The following C3orf52 variants were observed in gnomAD, a reference collection of about 807,000 sequenced individuals.
The protein encoded by C3orf52 is TPA-induced transmembrane protein.
In C3orf52, 22 loss-of-function variants were observed where a neutral mutation model predicts 24.8. That is an observed-to-expected ratio of 0.89 (90% CI 0.63 to 1.27). The LOEUF (loss-of-function observed/expected upper bound fraction) is 1.27, where lower values mean the gene tolerates loss of function less well. Among genes scored for constraint, C3orf52 ranks in the 50% most tolerant of loss-of-function variants. The pLI, the probability that C3orf52 is intolerant of heterozygous loss-of-function variation, is 0.00. For synonymous variants in C3orf52, 93 were observed against 100.2 expected (o/e 0.93, Z 0.43); for missense variants, 265 against 260.7 (o/e 1.02, Z -0.11).
downstream of C3orf52, chr3:112,132,960 T>C (rs1576176199): frequency 3.4e-6 from 3 of 878,178 alleles, no homozygotes; most frequent in East Asian, 7.6e-5. Flanking sequence ...ACTGAAGGCT[T>C]GGCAGTTTCC....
intron 1 of C3orf52, among the ~76,000 whole-genome samples, chr3:112,090,108 C>T (rs573137257): frequency 6.6e-6 from 1 of 152,212 alleles, no homozygotes; most frequent in East Asian, 1.9e-4. Context: ...AGGCAAGACT[C>T]AGATGGCACA....
intron 5 of C3orf52, among the ~76,000 whole-genome samples, chr3:112,115,790 G>A (rs1186508387): frequency 1.3e-5 from 2 of 152,030 alleles, no homozygotes; most frequent in South Asian, 2.1e-4. Context: ...TTGGAAATAC[G>A]GCGATTATTT....
intron 4 of C3orf52, chr3:112,112,407 T>G (rs2074091987): frequency 6.4e-6 from 1 of 155,268 alleles, no homozygotes; most frequent in Non-Finnish European, 1.4e-5. Context: ...GATTTGTTGC[T>G]GATACACAGG....
chr3:112,091,638 A>G lies in C3orf52; in HGVS notation c.139-1722A>G, dbSNP rs58704832. On this transcript the variant is annotated intron_variant, in intron 1 of 5. Transcript: ENST00000264848. ...GTGCAGCCAGGCTTGGGCACCTCTA[A>G]TTGAGAAGGTTGGAAATACAGTCCA... 7.0e-3 allele frequency among the ~76,000 whole-genome samples: 1,066 copies of G among 152,270 alleles called. 11 individuals carry two copies. Among genetic ancestry groups the G allele is most frequent in the African/African-American group, 0.023 (970 of 41,566 alleles).
chr3:112,123,302 G>A, intron 4 of C3orf52: 1 of 1,406,244 alleles, frequency 7.1e-7, no homozygotes, highest in Non-Finnish European at 9.4e-7. Context: ...TGCGTGCTAA[G>A]AGGGCTTGTG....
At chr3:112,130,138 C>T, downstream of C3orf52, 1 of 326,328 alleles carries the variant, frequency 3.1e-6, no homozygotes, top group South Asian at 5.0e-5. Flanking sequence ...CACAAAGGTA[C>T]CTGAGATAGA....
chr3:112,114,093 G>A (rs1486707662), intron 5 of C3orf52, among the ~76,000 whole-genome samples: 1 of 152,158 alleles, frequency 6.6e-6, no homozygotes, highest in Admixed American at 6.5e-5. Flanking sequence ...GTGCATTAAC[G>A]GTCTAGAATC....
chr3:112,114,476 G>T (rs1355353452), intron 5 of C3orf52, among the ~76,000 whole-genome samples: 1 of 151,682 alleles, frequency 6.6e-6, no homozygotes, highest in Non-Finnish European at 1.5e-5. Flanking sequence ...GGCCGAGGCA[G>T]TTGGATCACC....
At chr3:112,108,272 G>A (rs1035547525) in intron 3 of C3orf52, among the ~76,000 whole-genome samples, 13 of 152,170 alleles carry the variant, frequency 8.5e-5, no homozygotes, top group Admixed American at 5.9e-4. Context: ...ACTAGTAAGC[G>A]AGGCAGTACA....
intron 4 of C3orf52, chr3:112,127,924 C>T: frequency 1.9e-6 from 2 of 1,029,430 alleles, no homozygotes; most frequent in Non-Finnish European, 3.0e-6. Flanking sequence ...CAGGCTTCCA[C>T]TGTGGCCACA....
chr3:112,104,050 C>A (rs2074002718), intron 3 of C3orf52, among the ~76,000 whole-genome samples: 1 of 152,144 alleles, frequency 6.6e-6, no homozygotes, highest in Admixed American at 6.5e-5. Flanking sequence ...GAGACTTGAA[C>A]TAGGGCAGTG....
chr3:112,087,423 A>G (rs1188021934), intron 1 of C3orf52, among the ~76,000 whole-genome samples: 1 of 152,074 alleles, frequency 6.6e-6, no homozygotes, highest in Non-Finnish European at 1.5e-5. Context: ...CCACCTTCTG[A>G]TTAACTCCTA....
At chr3:112,122,291 A>C (rs561141565), downstream of C3orf52, 2 of 152,292 alleles carry the variant, frequency 1.3e-5, no homozygotes, top group African/African-American at 4.8e-5. Context: ...CCATGTCACA[A>C]TTACTCAACT....
At chr3:112,116,063 G>A (rs185824653) in intron 5 of C3orf52, among the ~76,000 whole-genome samples, 93 of 152,302 alleles carry the variant, frequency 6.1e-4, no homozygotes, top group Non-Finnish European at 9.7e-4. Flanking sequence ...AGTAGACTGA[G>A]TAGGGAAAAA....
downstream of C3orf52, chr3:112,121,048 C>T (rs1451671198): frequency 6.6e-6 from 1 of 152,152 alleles, no homozygotes; most frequent in African/African-American, 2.4e-5. Context: ...CATAATCCCT[C>T]TTATAATTCC....
Position 112,116,987 on chromosome 3 carries a change from T to C in C3orf52, c.*341T>C, listed in dbSNP as rs1385257413. ...TTTGTTTTTTGAGACAGGGTCTCGT[T>C]CTGTCGCTTAGCTGGAGTGCGGTGG... is the stretch of plus-strand genomic sequence containing the variant. On this transcript the variant is annotated 3_prime_UTR_variant, in exon 6 of 6. Transcript: ENST00000264848. 3 of 1,463,608 alleles carry C rather than the reference T, an allele frequency of 2.0e-6. No individual in the cohort carries two copies. The Admixed American group carries it at 6.0e-5, about 29-fold the overall frequency. 90.7% of individuals were successfully genotyped at this position (1,463,608 alleles called of 1,614,324 possible).
chr3:112,114,551 A>T (rs1467369188), intron 5 of C3orf52, among the ~76,000 whole-genome samples: 1 of 152,066 alleles, frequency 6.6e-6, no homozygotes, highest in East Asian at 1.9e-4. Context: ...TAAAAATACA[A>T]AAATTAGCCG....
chr3:112,121,946 T>C (rs2074208706), downstream of C3orf52: 1 of 152,238 alleles, frequency 6.6e-6, no homozygotes, highest in South Asian at 2.1e-4. Context: ...AAACATAATG[T>C]ACCTACTGCT....
At chr3:112,123,119 A>G (rs1367320501), downstream of C3orf52, 6 of 291,862 alleles carry the variant, frequency 2.1e-5, no homozygotes, top group Non-Finnish European at 3.9e-5. Flanking sequence ...GGAACACTTT[A>G]TAAGAAGATC....
Sources: gnomAD v4.1 joint callset for allele counts (sites outside exome capture counted in the v4.1 genomes callset) on GRCh38, gnomAD v4.1.1 for gene constraint, MANE v1.5 for transcripts, NCBI Gene and HGNC (gene_info 2026-07-23, HGNC 2026-07-21) for gene names.